Variants in ZFP30 observed in about 807,000 individuals in gnomAD.
The protein encoded by ZFP30 is ZFP30 zinc finger protein.
Under a neutral mutation model 12.3 loss-of-function variants are expected in ZFP30, and 16 were observed. The ratio of observed to expected loss-of-function variants is 1.30; its 90% CI spans 0.88 to 1.98. The LOEUF (loss-of-function observed/expected upper bound fraction) is 1.98. Among genes scored for constraint, ZFP30 ranks in the 30% most tolerant of loss-of-function variants. The probability of loss-of-function intolerance (pLI) is 0.00; values close to 1 mark genes in which losing one functional copy is unlikely to be tolerated. For synonymous variants in ZFP30, 172 were observed against 201.0 expected, an observed-to-expected ratio of 0.86 and a Z score of 1.22; for missense variants, 560 against 611.2, an observed-to-expected ratio of 0.92 and a Z score of 0.88.
chr19:37,644,548 A>ACAGC (rs2044501773), intron 4 of ZFP30, 62 bp downstream of exon 4: 6 of 1,477,928 alleles, frequency 4.1e-6, no homozygotes, highest in Admixed American at 4.9e-5. Context: ...AAAAACAAAG[A>ACAGC]CAGCCCAGAA....
Position 37,635,809 on chromosome 19 carries a change from A to G in ZFP30, c.732T>C (p.Cys244=). The change falls in exon 6 of 6, where the codon TGT becomes TGC. Residue 244 remains cysteine, a synonymous_variant. Coordinates refer to ENST00000684514, the MANE Select transcript of ZFP30 (RefSeq NM_001320669.3). ...CTCTAAAGGCTTTCCCACATTCTTTACATTCATACGGCTTCTCACCAATAT... is the reference window on the plus strand; with the variant it reads ...CTCTAAAGGCTTTCCCACATTCTTTGCATTCATACGGCTTCTCACCAATAT... The part of the protein sequence containing the change: ...RIHIGEKPYE[C]KECGKAFRVR... 1 of 1,614,204 alleles carries G rather than the reference A, an allele frequency of 6.2e-7. No individual in the cohort carries two copies. Among genetic ancestry groups the G allele is most frequent in the Non-Finnish European group, 8.5e-7 (1 of 1,180,044 alleles).
chr19:37,636,255 A>T lies in ZFP30; in HGVS notation c.286T>A (p.Tyr96Asn), dbSNP rs977719444. The change falls in exon 6 of 6, where the codon TAT (tyrosine) becomes AAT (asparagine). Residue 96 changes from tyrosine (Y) to asparagine (N), a missense_variant. By Grantham distance (143) the Tyr-to-Asn change is moderately radical. Transcript: ENST00000684514. ...TKKLFQGKDIYEMNLSQWKVM... is the reference protein window; with the variant it reads ...TKKLFQGKDINEMNLSQWKVM... ...TTCCACTGAGATAAGTTCATTTCAT[A>T]AATATCCTTTCCTTGAAATAACTTT... 1.8e-5 allele frequency: 29 copies of T among 1,606,048 alleles called. No homozygotes were observed. Among genetic ancestry groups the T allele is most frequent in the Non-Finnish European group, 2.3e-5 (27 of 1,177,098 alleles).
rs200760945 is a variant in ZFP30 at position 37,635,176 on chromosome 19, T to C, written c.1365A>G (p.Gln455=). ...KTFRLLSQLT[Q]HQSIHTGEKP... ...TTTCACCAGTATGAATACTTTGATGTTGGGTAAGTTGTGAAAGCAGTCTAA... is the reference window on the plus strand; with the variant it reads ...TTTCACCAGTATGAATACTTTGATGCTGGGTAAGTTGTGAAAGCAGTCTAA... The change falls in exon 6 of 6, where the codon CAA becomes CAG. Residue 455 remains glutamine (Q), a synonymous_variant. Transcript: ENST00000684514. 209 of 1,611,870 alleles carry C rather than the reference T, an allele frequency of 1.3e-4. No homozygotes were observed. Among genetic ancestry groups the C allele is most frequent in the Middle Eastern group, 1.7e-4 (1 of 6,046 alleles).
intron 2 of ZFP30, among the ~76,000 whole-genome samples, chr19:37,653,381 C>T (rs1234756623): frequency 6.6e-6 from 1 of 151,966 alleles, no homozygotes; most frequent in Non-Finnish European, 1.5e-5. Flanking sequence ...TTGCATTTAC[C>T]CCTCCTCAGC....
At chr19:37,646,158 C>A (rs1289637175) in intron 3 of ZFP30, among the ~76,000 whole-genome samples, 1 of 152,142 alleles carries the variant, frequency 6.6e-6, no homozygotes, top group Non-Finnish European at 1.5e-5. Flanking sequence ...ATTGTATATA[C>A]TACCTGATTA....
chr19:37,648,091 A>C (rs1342424576), intron 2 of ZFP30, among the ~76,000 whole-genome samples, 192 bp from the exon 3 acceptor site: 1 of 152,212 alleles, frequency 6.6e-6, no homozygotes, highest in Non-Finnish European at 1.5e-5. Flanking sequence ...CAGCTGCACA[A>C]GGAATTGAAG....
chr19:37,638,930 T>C (rs1336364303), intron 5 of ZFP30, among the ~76,000 whole-genome samples: 1 of 152,194 alleles, frequency 6.6e-6, no homozygotes, highest in African/African-American at 2.4e-5. Context: ...GACAATTCAC[T>C]AATTATCTGT....
Position 37,631,894 on chromosome 19 carries a change from C to T in ZFP30, c.*3087G>A, listed in dbSNP as rs937688718. ...TAATTTCCCATAGAAATTAGAATTA[C>T]CAGATTTCTCTTCATACGGAAAATG... On this transcript the variant is annotated 3_prime_UTR_variant, in exon 6 of 6. Coordinates refer to ENST00000684514, the MANE Select transcript of ZFP30 (RefSeq NM_001320669.3). The T allele has an allele frequency of 3.3e-5, 5 of 152,046 alleles. No individual in the cohort carries two copies. Among genetic ancestry groups the T allele is most frequent in the Non-Finnish European group, 7.4e-5 (5 of 68,004 alleles). The allele number at this position is 152,046 out of a possible 1,614,324, so 9.4% of individuals were successfully genotyped here. A position where few individuals can be genotyped will look rare whatever the true frequency, so the allele number is the denominator to read the frequency against.
At position 37,645,097 on chromosome 19, in the gene ZFP30, C is replaced by T. The variant is rs531691874; in HGVS notation, c.10-361G>A. 8.6e-5 allele frequency among the ~76,000 whole-genome samples: 13 copies of T among 151,738 alleles called. No homozygotes were observed. In the East Asian group the frequency reaches 1.4e-3, roughly 16 times the overall value. ...GCGGGCGCCTGTAGTCCCAGCTACT[C>T]GGGAGGTTGAGGCAGGAGAATGGTG... On this transcript the variant is annotated intron_variant, in intron 3 of 5. Transcript: ENST00000684514.
rs993465922 is a variant in ZFP30, at chr19:37,635,878, C to A, written c.663G>T (p.Lys221Asn). The change falls in exon 6 of 6, where the codon AAG (lysine) becomes AAT (asparagine). Residue 221 changes from lysine to asparagine, a missense_variant. Physicochemically the swap from Lys to Asn is moderately conservative, Grantham distance 94. Coordinates refer to ENST00000684514, the MANE Select transcript of ZFP30 (RefSeq NM_001320669.3). ...DKLYECKKCG[K>N]IFTCGSDLRV... Reference sequence around the variant, plus strand: ...GAAGGTCTGAGCCACATGTGAAGATCTTTCCACATTTTTTACATTCATAGA... The same window carrying A: ...GAAGGTCTGAGCCACATGTGAAGATATTTCCACATTTTTTACATTCATAGA... 6.2e-7 allele frequency: 1 copy of A among 1,614,048 alleles called. No homozygotes were observed. The highest frequency in any genetic ancestry group is 8.5e-7 in the Non-Finnish European group (1 of 1,180,038).
chr19:37,649,242 C>T (rs1164929702), intron 2 of ZFP30, among the ~76,000 whole-genome samples: 3 of 73,228 alleles, frequency 4.1e-5, no homozygotes, highest in Non-Finnish European at 6.7e-5. Context: ...AAGACCCTGT[C>T]TCTTAAAAAA....
At chr19:37,641,152 T>A (rs758985860) in intron 5 of ZFP30, among the ~76,000 whole-genome samples, 11 of 152,250 alleles carry the variant, frequency 7.2e-5, no homozygotes, top group Non-Finnish European at 1.2e-4. Context: ...ATTCTTACCA[T>A]ATATGTGGTT....
chr19:37,647,763 T>G, intron 3 of ZFP30, 51 bp downstream of exon 3: 1 of 1,610,352 alleles, frequency 6.2e-7, no homozygotes, highest in South Asian at 1.1e-5. Flanking sequence ...AATGTTCACA[T>G]AACCTGAAAA....
At chr19:37,636,332 T>C in intron 5 of ZFP30, 27 bp from the exon 6 acceptor site, 5 of 1,541,008 alleles carry the variant, frequency 3.2e-6, no homozygotes, top group South Asian at 2.5e-5. Context: ...CCAAAACATA[T>C]TTTCCTGTTC....
intron 5 of ZFP30, among the ~76,000 whole-genome samples, chr19:37,637,779 T>C (rs1426252859): frequency 6.6e-6 from 1 of 152,174 alleles, no homozygotes; most frequent in East Asian, 1.9e-4. Flanking sequence ...TGAGCCACCA[T>C]GCCTGGCTAC....
upstream of ZFP30, chr19:37,655,916 C>A (rs2044749373): frequency 6.6e-6 from 1 of 152,338 alleles, no homozygotes; most frequent in African/African-American, 2.4e-5. Flanking sequence ...TGGGGCCGCA[C>A]CTGCCGAGGG....
rs138719651 is a variant in ZFP30, at chr19:37,635,512, G to C, written c.1029C>G (p.Leu343=). The C allele has an allele frequency of 3.5e-5, 57 of 1,613,296 alleles. No individual in the cohort carries two copies. Among genetic ancestry groups the C allele is most frequent in the South Asian group, 6.6e-5 (6 of 91,032 alleles). Residue 343 remains leucine, a synonymous_variant, in exon 6 of 6, where the codon CTC becomes CTG. Transcript: ENST00000684514. ...KAFRVRQQLT[L]HQRIHTGEKP... is the part of the protein sequence containing the mutation. Reference sequence around the variant, plus strand: ...TCTCACCAGTGTGAATTCTCTGATGGAGAGTAAGTTGCTGCCGCACTCTAA... The same window carrying C: ...TCTCACCAGTGTGAATTCTCTGATGCAGAGTAAGTTGCTGCCGCACTCTAA...
intron 4 of ZFP30, chr19:37,644,339 TC>T: frequency 4.7e-6 from 1 of 213,468 alleles, no homozygotes; most frequent in Non-Finnish European, 9.3e-6. Context: ...ATCAAGACCA[TC>T]CCGGCCAACC....
At chr19:37,640,497 A>C (rs1027709883) in intron 5 of ZFP30, among the ~76,000 whole-genome samples, 1 of 151,086 alleles carries the variant, frequency 6.6e-6, no homozygotes, top group African/African-American at 2.4e-5. Flanking sequence ...AGTTTAGTCT[A>C]GTAAGCACTG....
Sources: allele counts gnomAD v4.1 joint callset (sites outside exome capture counted in the v4.1 genomes callset), GRCh38; gene constraint gnomAD v4.1.1; transcripts MANE v1.5; gene names NCBI Gene and HGNC (gene_info 2026-07-23, HGNC 2026-07-21).